TMEM250: variants seen among roughly 807,000 people sequenced by gnomAD.
TMEM250 encodes herpes virus UL25-binding protein.
Under a neutral mutation model 7.0 loss-of-function variants are expected in TMEM250, and 7 were observed. That is an observed-to-expected ratio of 1.00 (90% CI 0.57 to 1.87). The LOEUF is 1.87. TMEM250 is among the 40% of genes most tolerant of loss of function. The pLI, the probability that TMEM250 is intolerant of heterozygous loss-of-function variation, is 0.00. For missense variants in TMEM250, 196 were observed against 202.5 expected, an observed-to-expected ratio of 0.97 and a Z score of 0.19; for synonymous variants, 135 against 96.7, an observed-to-expected ratio of 1.40 and a Z score of -2.32.
chr9:136,118,268 G>A (rs1188750284), intron 1 of TMEM250: 1 of 152,308 alleles, frequency 6.6e-6, no homozygotes, highest in African/African-American at 2.4e-5. Context: ...CGTTTCTGCA[G>A]ACGCCCGCTC....
intron 1 of TMEM250, among the ~76,000 whole-genome samples, chr9:136,117,690 T>C (rs1389132975): frequency 1.3e-5 from 2 of 152,180 alleles, no homozygotes; most frequent in Non-Finnish European, 2.9e-5. Flanking sequence ...TCCTGCTCTG[T>C]CCAATGGGGG....
Position 136,116,992 on chromosome 9 carries a change from A to G in TMEM250, c.-92T>C, listed in dbSNP as rs1488220531. On this transcript the variant is annotated 5_prime_UTR_variant, in exon 2 of 2. Coordinates refer to ENST00000418388, the MANE Select transcript of TMEM250 (RefSeq NM_152833.3). The stretch of plus-strand genomic sequence containing the variant: ...GGGGTCATGGGCGCCTAGGCCTGGG[A>G]GCCCGCAGCTGACCCTGGGGGGAGG... 1.3e-5 allele frequency: 18 copies of G among 1,358,732 alleles called. No individual in the cohort carries two copies. Among genetic ancestry groups the G allele is most frequent in the Non-Finnish European group, 1.7e-5 (18 of 1,060,514 alleles). 84.2% of individuals were successfully genotyped at this position (1,358,732 alleles called of 1,614,324 possible).
rs767038071 is a variant in TMEM250, at chr9:136,116,593, C to T, written c.308G>A (p.Arg103His). ...KLSVLLLLLG[R>H]RRVDFRLVNE... ...CACCAGGCGGAAGTCCACGCGCCGG[C>T]GGCCCAGCAGCAGCAGCAGCACCGA... Residue 103 changes from arginine (R) to histidine (H), a missense_variant, in exon 2 of 2, where the codon CGC (arginine) becomes CAC (histidine). By Grantham distance (29) the Arg-to-His change is conservative (BLOSUM62 0). Transcript: ENST00000418388. The T allele has an allele frequency of 8.1e-6, 13 of 1,603,650 alleles. No homozygotes were observed. The African/African-American group carries it at 1.2e-4, about 15-fold the overall frequency.
chr9:136,117,108 A>G, intron 1 of TMEM250, 84 bp from the exon 2 acceptor site: 2 of 793,154 alleles, frequency 2.5e-6, no homozygotes, highest in Non-Finnish European at 3.6e-6. Context: ...GAAAGTGGAC[A>G]CAAACTCCAG....
intron 1 of TMEM250, chr9:136,118,018 G>C (rs1446231117): frequency 6.6e-6 from 1 of 152,278 alleles, no homozygotes; most frequent in Non-Finnish European, 1.5e-5. Flanking sequence ...TGGCCAGGGC[G>C]GAGGAGGGAG....
At chr9:136,117,073 A>T (rs2131217186) in intron 1 of TMEM250, 49 bp from the exon 2 acceptor site, 1 of 1,127,960 alleles carries the variant, frequency 8.9e-7, no homozygotes, top group East Asian at 3.4e-5. Flanking sequence ...CACCATGCGG[A>T]TCCCTCCCCA....
At chr9:136,117,694 A>G (rs1365634165) in intron 1 of TMEM250, among the ~76,000 whole-genome samples, 3 of 152,128 alleles carry the variant, frequency 2.0e-5, no homozygotes, top group African/African-American at 7.2e-5. Flanking sequence ...GCTCTGTCCA[A>G]TGGGGGTGCC....
Position 136,116,647 on chromosome 9 carries a change from C to G in TMEM250, c.254G>C (p.Arg85Pro), listed in dbSNP as rs776788411. The change falls in exon 2 of 2, where the codon CGC (arginine) becomes CCC (proline). Residue 85 changes from arginine to proline, a missense_variant. Physicochemically the swap from Arg to Pro is moderately radical, Grantham distance 103 (BLOSUM62 -2). Transcript: ENST00000418388. Reference sequence around the variant, plus strand: ...CTTGCGCTGGAAGCGCAGCAGGACGCGAACGCCCAGGTACTGTAGGCAGAA... The same window carrying G: ...CTTGCGCTGGAAGCGCAGCAGGACGGGAACGCCCAGGTACTGTAGGCAGAA... ...ALFCLQYLGV[R>P]VLLRFQRKLS... 1.2e-6 allele frequency: 2 copies of G among 1,611,134 alleles called. No homozygotes were observed. The highest frequency in any genetic ancestry group is 2.2e-5 in the South Asian group (2 of 91,072).
chr9:136,117,005 C>T lies in TMEM250; in HGVS notation c.-105G>A. 7.4e-7 allele frequency: 1 copy of T among 1,352,248 alleles called. No homozygotes were observed. Among genetic ancestry groups the T allele is most frequent in the Non-Finnish European group, 9.5e-7 (1 of 1,056,322 alleles). 83.8% of individuals were successfully genotyped at this position (1,352,248 alleles called of 1,614,324 possible). ...CCTAGGCCTGGGAGCCCGCAGCTGA[C>T]CCTGGGGGGAGGCGTCGGCCTGCGG... On this transcript the variant is annotated 5_prime_UTR_variant, in exon 2 of 2. Coordinates refer to ENST00000418388, the MANE Select transcript of TMEM250 (RefSeq NM_152833.3).
In TMEM250 at chr9:136,116,275, A is replaced by T; in HGVS notation, c.*206T>A. 9.5e-7 allele frequency: 1 copy of T among 1,052,198 alleles called. No individual in the cohort carries two copies. The highest frequency in any genetic ancestry group is 1.3e-6 in the Non-Finnish European group (1 of 755,870). 65.2% of individuals were successfully genotyped at this position (1,052,198 alleles called of 1,614,324 possible). A position where few individuals can be genotyped will look rare whatever the true frequency, so the allele number is the denominator to read the frequency against. ...GTGGGCGCTGCCCCTGAGAGTGCAT[A>T]CGGGGAGGGTGGGTCCAGGAAGCCA... On this transcript the variant is annotated 3_prime_UTR_variant, in exon 2 of 2. Transcript: ENST00000418388.
intron 1 of TMEM250, chr9:136,118,150 G>A (rs1018873855): frequency 6.6e-6 from 1 of 152,258 alleles, no homozygotes; most frequent in African/African-American, 2.4e-5. Context: ...CCTTGGCCTG[G>A]AGCTCGCCCC....
In TMEM250 at chr9:136,116,496, G is replaced by C. The variant is rs1274611995; in HGVS notation, c.405C>G (p.Val135=). 1.9e-6 allele frequency: 3 copies of C among 1,554,866 alleles called. No homozygotes were observed. In the African/African-American group the frequency reaches 4.1e-5, roughly 21 times the overall value. Residue 135 remains valine, a synonymous_variant, in exon 2 of 2, where the codon GTC becomes GTG. Transcript: ENST00000418388. ...CCCACGGCCCTCACATGTCCACGAA[G>C]ACCATGAAGCACCAGCCCAGGCCCC... is the stretch of plus-strand genomic sequence containing the variant. ...LVGGLGWCFM[V]FVDM is the part of the protein sequence containing the mutation.
chr9:136,116,430 G>C lies in TMEM250; in HGVS notation c.*51C>G. Reference sequence around the variant, plus strand: ...GGCGCTGGCCGACCCCACCCATGGAGAGAACACAGCCACAGGCCGGGACGA... The same window carrying C: ...GGCGCTGGCCGACCCCACCCATGGACAGAACACAGCCACAGGCCGGGACGA... On this transcript the variant is annotated 3_prime_UTR_variant, in exon 2 of 2. Transcript: ENST00000418388. 6.8e-7 allele frequency: 1 copy of C among 1,468,246 alleles called. No homozygotes were observed. Among genetic ancestry groups the C allele is most frequent in the African/African-American group, 1.4e-5 (1 of 71,296 alleles). 91.0% of individuals were successfully genotyped at this position (1,468,246 alleles called of 1,614,324 possible). A position where few individuals can be genotyped will look rare whatever the true frequency, so the allele number is the denominator to read the frequency against.
intron 1 of TMEM250, among the ~76,000 whole-genome samples, chr9:136,117,385 A>G (rs563036492): frequency 1.3e-5 from 2 of 152,136 alleles, no homozygotes; most frequent in South Asian, 4.2e-4. Flanking sequence ...GCTGGACCAC[A>G]CTCTGCTCTT....
rs1830718158 is a variant in TMEM250, at chr9:136,116,923, T to C, written c.-23A>G. The C allele has an allele frequency of 1.4e-6, 2 of 1,452,996 alleles. No homozygotes were observed. The highest frequency in any genetic ancestry group is 2.8e-5 in the Admixed American group (1 of 35,494). The allele number at this position is 1,452,996 out of a possible 1,614,324, so 90.0% of individuals were successfully genotyped here. A position where few individuals can be genotyped will look rare whatever the true frequency, so the allele number is the denominator to read the frequency against. ...CATTGGGCCCCGGCGGCGGCGGCGC[T>C]AGGTCGCAGTGGCGGCGGCGGTGTC... On this transcript the variant is annotated 5_prime_UTR_variant, in exon 2 of 2. Transcript: ENST00000418388.
Position 136,116,369 on chromosome 9 carries a change from G to C in TMEM250, c.*112C>G. 7.0e-7 allele frequency: 1 copy of C among 1,425,318 alleles called. No individual in the cohort carries two copies. Among genetic ancestry groups the C allele is most frequent in the Admixed American group, 2.9e-5 (1 of 34,740 alleles). The allele number at this position is 1,425,318 out of a possible 1,614,324, so 88.3% of individuals were successfully genotyped here. A position where few individuals can be genotyped will look rare whatever the true frequency, so the allele number is the denominator to read the frequency against. On this transcript the variant is annotated 3_prime_UTR_variant, in exon 2 of 2. Coordinates refer to ENST00000418388, the MANE Select transcript of TMEM250 (RefSeq NM_152833.3). ...CTTTCTTTTCTCTCCGTGGGCGCCG[G>C]GCAGCAGCGACTGCCTGGGGGATGG...
chr9:136,116,373 G>C lies in TMEM250; in HGVS notation c.*108C>G. 1 of 1,418,758 alleles carries C rather than the reference G, an allele frequency of 7.0e-7. No homozygotes were observed. Among genetic ancestry groups the C allele is most frequent in the Non-Finnish European group, 9.2e-7 (1 of 1,088,204 alleles). The allele number at this position is 1,418,758 out of a possible 1,614,324, so 87.9% of individuals were successfully genotyped here. A position where few individuals can be genotyped will look rare whatever the true frequency, so the allele number is the denominator to read the frequency against. On this transcript the variant is annotated 3_prime_UTR_variant, in exon 2 of 2. Coordinates refer to ENST00000418388, the MANE Select transcript of TMEM250 (RefSeq NM_152833.3). Reference sequence around the variant, plus strand: ...CTTTTCTCTCCGTGGGCGCCGGGCAGCAGCGACTGCCTGGGGGATGGGCGA... The same window carrying C: ...CTTTTCTCTCCGTGGGCGCCGGGCACCAGCGACTGCCTGGGGGATGGGCGA...
In TMEM250 at chr9:136,116,905, C is replaced by T. The variant is rs757130510; in HGVS notation, c.-5G>A. ...CGGAATGGGCATGACCGGCATTGGG[C>T]CCCGGCGGCGGCGGCGCTAGGTCGC... On this transcript the variant is annotated 5_prime_UTR_variant, in exon 2 of 2. Transcript: ENST00000418388. 1.3e-6 allele frequency: 2 copies of T among 1,509,148 alleles called. No homozygotes were observed. The highest frequency in any genetic ancestry group is 1.3e-5 in the South Asian group (1 of 79,596). The allele number at this position is 1,509,148 out of a possible 1,614,324, so 93.5% of individuals were successfully genotyped here. A position where few individuals can be genotyped will look rare whatever the true frequency, so the allele number is the denominator to read the frequency against.
chr9:136,116,691 C>T lies in TMEM250; in HGVS notation c.210G>A (p.Trp70Ter). The part of the protein sequence containing the change: ...FSCSLFTAAL[W>*]GALAALFCLQ... Reference sequence around the variant, plus strand: ...GGCAGAAGAGGGCGGCCAGCGCACCCCAGAGCGCCGCAGTGAACAGGCTGC... The same window carrying T: ...GGCAGAAGAGGGCGGCCAGCGCACCTCAGAGCGCCGCAGTGAACAGGCTGC... The change falls in exon 2 of 2, where the codon TGG (tryptophan) becomes TGA (stop). Residue 70 changes from tryptophan (W) to a stop codon, truncating the protein, a stop_gained. Transcript: ENST00000418388. LOFTEE classifies it high-confidence loss of function. 3 of 1,612,370 alleles carry T rather than the reference C, an allele frequency of 1.9e-6. No individual in the cohort carries two copies. Among genetic ancestry groups the T allele is most frequent in the Non-Finnish European group, 2.5e-6 (3 of 1,179,756 alleles).
Sources: allele counts gnomAD v4.1 joint callset (sites outside exome capture counted in the v4.1 genomes callset), GRCh38; gene constraint gnomAD v4.1.1; transcripts MANE v1.5; gene names NCBI Gene and HGNC (gene_info 2026-07-23, HGNC 2026-07-21).